SGCZ: variants seen among roughly 807,000 people sequenced by gnomAD.
SGCZ encodes the protein zeta-sarcoglycan.
In SGCZ, 40 loss-of-function variants were observed where a neutral mutation model predicts 41.3. The ratio of observed to expected loss-of-function variants is 0.97; its 90% confidence interval spans 0.75 to 1.26. The LOEUF (loss-of-function observed/expected upper bound fraction) is 1.26, where lower values mean the gene tolerates loss of function less well. Among genes scored for constraint, SGCZ ranks in the 50% most tolerant of loss-of-function variants. The pLI, the probability that SGCZ is intolerant of heterozygous loss-of-function variation, is 0.00. For synonymous variants in SGCZ, 206 were observed against 137.5 expected (o/e 1.50, Z -3.49); for missense variants, 552 against 369.8 (o/e 1.49, Z -4.04).
chr8:15,140,579 C>G lies in SGCZ; in HGVS notation c.39+97006G>C, dbSNP rs577114843. ...CTAATAGTAATAATAATAATACCAA[C>G]AAAAACCAAAAATGACCCATATTAT... On this transcript the variant is annotated intron_variant, in intron 1 of 7. Transcript: ENST00000382080. Among the ~76,000 whole-genome samples the G allele has an allele frequency of 3.3e-5, 5 of 152,074 alleles. No homozygotes were observed. In the South Asian group the frequency reaches 8.3e-4, roughly 25 times the overall value.
chr8:14,561,745 G>C (rs1300856831), intron 1 of SGCZ, among the ~76,000 whole-genome samples: 1 of 152,004 alleles, frequency 6.6e-6, no homozygotes, highest in African/African-American at 2.4e-5. Flanking sequence ...TGCAATTCAG[G>C]GAAGAGCTGG....
intron 1 of SGCZ, among the ~76,000 whole-genome samples, chr8:14,852,299 A>G (rs1377710586): frequency 6.6e-6 from 1 of 152,180 alleles, no homozygotes; most frequent in Non-Finnish European, 1.5e-5. Flanking sequence ...ATAGTTCATC[A>G]AGGTAAAATG....
intron 1 of SGCZ, among the ~76,000 whole-genome samples, chr8:15,067,229 C>T (rs972003685): frequency 6.6e-6 from 1 of 152,136 alleles, no homozygotes; most frequent in South Asian, 2.1e-4. Flanking sequence ...TGCCTACACA[C>T]TCCACCAACC....
intron 1 of SGCZ, among the ~76,000 whole-genome samples, chr8:14,980,021 T>C (rs1801609401): frequency 6.6e-6 from 1 of 152,136 alleles, no homozygotes; most frequent in South Asian, 2.1e-4. Context: ...ACTTAGGAAA[T>C]AGGGAAACAC....
chr8:15,137,660 CA>C (rs921775367), intron 1 of SGCZ, among the ~76,000 whole-genome samples: 18 of 105,662 alleles, frequency 1.7e-4, no homozygotes, highest in Non-Finnish European at 2.9e-4. Context: ...CAAGCCTTGG[CA>C]CCTTTCATGT....
intron 2 of SGCZ, among the ~76,000 whole-genome samples, chr8:14,427,777 A>C (rs2117326349): frequency 6.6e-6 from 1 of 152,274 alleles, no homozygotes; most frequent in African/African-American, 2.4e-5. Context: ...ACATGACAGT[A>C]ATTCAACTTA....
chr8:14,208,479 G>C (rs1276707102), intron 4 of SGCZ, among the ~76,000 whole-genome samples: 1 of 152,104 alleles, frequency 6.6e-6, no homozygotes, highest in Admixed American at 6.5e-5. Flanking sequence ...AATATATAGA[G>C]CTGATATCAA....
rs1188449390 is a variant in SGCZ at position 14,352,958 on chromosome 8, T to C, written c.235-28754A>G. On this transcript the variant is annotated intron_variant, in intron 2 of 7. Coordinates refer to ENST00000382080, the MANE Select transcript of SGCZ (RefSeq NM_139167.4). The stretch of plus-strand genomic sequence containing the variant: ...TTGATTTCTTTTGCTTTTGAAATAT[T>C]TGATTTCTGTACCAAAATACTCTCA... Among the ~76,000 whole-genome samples, 4 of 152,144 alleles carry C rather than the reference T, an allele frequency of 2.6e-5. No homozygotes were observed. In the East Asian group the frequency reaches 7.7e-4, roughly 29 times the overall value.
intron 1 of SGCZ, among the ~76,000 whole-genome samples, chr8:14,578,212 C>T (rs1457076291): frequency 6.6e-6 from 1 of 152,184 alleles, no homozygotes; most frequent in Non-Finnish European, 1.5e-5. Context: ...TAAAATTCAT[C>T]TATAGCCATC....
chr8:15,160,260 T>G (rs1799470252), intron 1 of SGCZ, among the ~76,000 whole-genome samples: 1 of 152,184 alleles, frequency 6.6e-6, no homozygotes, highest in African/African-American at 2.4e-5. Context: ...CAGAATAATG[T>G]CCTCAAGATT....
chr8:14,313,040 G>C (rs1052962922), intron 3 of SGCZ, among the ~76,000 whole-genome samples: 1 of 152,102 alleles, frequency 6.6e-6, no homozygotes, highest in Non-Finnish European at 1.5e-5. Context: ...ACCTGGACTT[G>C]CATTCCTGCT....
Position 14,957,238 on chromosome 8 carries a change from A to T in SGCZ, c.39+280347T>A, listed in dbSNP as rs569584467. 2.6e-5 allele frequency among the ~76,000 whole-genome samples: 4 copies of T among 152,268 alleles called. No homozygotes were observed. The South Asian group carries it at 8.3e-4, about 31-fold the overall frequency. ...ATGGTGATATTGTTCAGTAGAATGA[A>T]TATGTATTAACATATGCATCCAAAT... On this transcript the variant is annotated intron_variant, in intron 1 of 7. Coordinates refer to ENST00000382080, the MANE Select transcript of SGCZ (RefSeq NM_139167.4).
At chr8:14,646,919 A>C (rs1327702227) in intron 1 of SGCZ, among the ~76,000 whole-genome samples, 1 of 151,936 alleles carries the variant, frequency 6.6e-6, no homozygotes, top group Non-Finnish European at 1.5e-5. Context: ...AGAAGACTTT[A>C]TACTTCTTTT....
intron 1 of SGCZ, among the ~76,000 whole-genome samples, chr8:15,057,762 C>T (rs772863986): frequency 5.3e-5 from 8 of 152,204 alleles, no homozygotes; most frequent in Non-Finnish European, 8.8e-5. Flanking sequence ...TCAGTTTTTT[C>T]ACTCAGAGCT....
At chr8:15,044,469 G>C (rs548985731) in intron 1 of SGCZ, among the ~76,000 whole-genome samples, 3 of 152,204 alleles carry the variant, frequency 2.0e-5, no homozygotes, top group South Asian at 4.1e-4. Flanking sequence ...CTTACGAATA[G>C]ATGAAAAGAA....
intron 1 of SGCZ, among the ~76,000 whole-genome samples, chr8:14,882,965 T>A (rs1804649288): frequency 6.6e-6 from 1 of 152,134 alleles, no homozygotes; most frequent in Admixed American, 6.6e-5. Flanking sequence ...TTAATATTTC[T>A]AATTTTATTG....
chr8:14,922,121 C>T (rs572280575), intron 1 of SGCZ, among the ~76,000 whole-genome samples: 3 of 152,016 alleles, frequency 2.0e-5, no homozygotes, highest in Non-Finnish European at 1.5e-5. Context: ...TTCAAATATC[C>T]CTTAGTCAGC....
chr8:14,527,289 A>C (rs1288354567), intron 2 of SGCZ, among the ~76,000 whole-genome samples: 3 of 152,048 alleles, frequency 2.0e-5, no homozygotes, highest in Admixed American at 2.0e-4. Context: ...TGTTGGGAGC[A>C]TTTTGTTTTT....
At chr8:14,146,538 C>A (rs993837422) in intron 5 of SGCZ, among the ~76,000 whole-genome samples, 2 of 152,066 alleles carry the variant, frequency 1.3e-5, no homozygotes, top group African/African-American at 4.8e-5. Flanking sequence ...CAGAAAAACA[C>A]AGAATATTAT....
Sources: gnomAD v4.1 joint callset for allele counts (sites outside exome capture counted in the v4.1 genomes callset) on GRCh38, gnomAD v4.1.1 for gene constraint, MANE v1.5 for transcripts, NCBI Gene and HGNC (gene_info 2026-07-23, HGNC 2026-07-21) for gene names.